The following MRPL3 variants were observed in gnomAD, a reference collection of about 807,000 sequenced individuals.
The protein encoded by MRPL3 is large ribosomal subunit protein uL3m.
In MRPL3, 43 loss-of-function variants were observed where a neutral mutation model predicts 44.3. The observed-to-expected ratio is 0.97, with a 90% CI of 0.76 to 1.25. The LOEUF (loss-of-function observed/expected upper bound fraction) is 1.25. Ranked by LOEUF, MRPL3 falls within the 50% of genes most tolerant of loss-of-function variation. The pLI is 0.00. For missense variants in MRPL3, 406 were observed against 427.6 expected, an observed-to-expected ratio of 0.95 and a Z score of 0.45; for synonymous variants, 171 against 152.3, an observed-to-expected ratio of 1.12 and a Z score of -0.91.
rs9289390 is a variant in MRPL3 at position 131,500,226 on chromosome 3, C to T, written c.369+204G>A. 0.55 allele frequency among the ~76,000 whole-genome samples: 84,171 copies of T among 152,038 alleles called. 24,754 individuals carry two copies. Among genetic ancestry groups the T allele is most frequent in the Middle Eastern group, 0.72 (213 of 294 alleles). Reference sequence around the variant, plus strand: ...ATTCATTGCTCCAGTTATCCCAATACCAGTATCAGAAGGCCACTGCTCAGG... The same window carrying T: ...ATTCATTGCTCCAGTTATCCCAATATCAGTATCAGAAGGCCACTGCTCAGG... On this transcript the variant is annotated intron_variant, in intron 3 of 9. Coordinates refer to ENST00000264995, the MANE Select transcript of MRPL3 (RefSeq NM_007208.4).
rs756461073 is a variant in MRPL3 at position 131,501,713 on chromosome 3, G to A, written c.95C>T (p.Thr32Ile). 4 of 1,601,546 alleles carry A rather than the reference G, an allele frequency of 2.5e-6. No homozygotes were observed. The East Asian group carries it at 6.7e-5, about 27-fold the overall frequency. The change falls in exon 2 of 10, where the codon ACA (threonine) becomes ATA (isoleucine). Residue 32 changes from threonine to isoleucine, a missense_variant and splice_region_variant. Thr to Ile is a moderately conservative substitution (Grantham distance 89). Transcript: ENST00000264995. The part of the protein sequence containing the change: ...LGAALGPGNR[T>I]HIWLFVRGLH... ...ACCTCTAACAAAAAGCCAGATGTGTGTTCTATAAAAAGAAAAAATAAATAA... is the reference window on the plus strand; with the variant it reads ...ACCTCTAACAAAAAGCCAGATGTGTATTCTATAAAAAGAAAAAATAAATAA...
At chr3:131,476,719 A>G (rs543718555) in intron 6 of MRPL3, among the ~76,000 whole-genome samples, 1 of 152,338 alleles carries the variant, frequency 6.6e-6, no homozygotes, top group Non-Finnish European at 1.5e-5. Flanking sequence ...TTAATCTAGG[A>G]AACATTATTG....
chr3:131,500,347 G>A (rs1351985656), intron 3 of MRPL3, 83 bp downstream of exon 3: 2 of 1,083,562 alleles, frequency 1.8e-6, no homozygotes, highest in Admixed American at 1.7e-5. Flanking sequence ...CATGTTTCAG[G>A]ACACAAATAG....
At chr3:131,484,734 A>G (rs1177621251) in intron 6 of MRPL3, among the ~76,000 whole-genome samples, 1 of 152,204 alleles carries the variant, frequency 6.6e-6, no homozygotes, top group Admixed American at 6.5e-5. Context: ...TCCAGATGAG[A>G]AGGACAACGA....
chr3:131,486,712 C>G (rs1272115501), intron 6 of MRPL3, among the ~76,000 whole-genome samples: 1 of 152,062 alleles, frequency 6.6e-6, no homozygotes. Flanking sequence ...TGAAAAAATG[C>G]TCATCACCGG....
intron 6 of MRPL3, among the ~76,000 whole-genome samples, chr3:131,475,604 A>G (rs1202299969): frequency 2.6e-5 from 4 of 152,244 alleles, no homozygotes; most frequent in African/African-American, 9.6e-5. Context: ...CACATTCTTC[A>G]CATTAAGCCT....
At chr3:131,466,462 T>TA (rs1333866972) in intron 9 of MRPL3, among the ~76,000 whole-genome samples, 1 of 152,242 alleles carries the variant, frequency 6.6e-6, no homozygotes, top group East Asian at 1.9e-4. Flanking sequence ...TCTGAGAACT[T>TA]AAAGAGTTTT....
chr3:131,482,930 A>G (rs1464814084), intron 6 of MRPL3, among the ~76,000 whole-genome samples: 1 of 151,856 alleles, frequency 6.6e-6, no homozygotes, highest in Non-Finnish European at 1.5e-5. Flanking sequence ...ACTGCTCCCT[A>G]ACCACAGCAG....
At chr3:131,500,399 A>T (rs150199118) in intron 3 of MRPL3, 31 bp downstream of exon 3, 1 of 1,533,914 alleles carries the variant, frequency 6.5e-7, no homozygotes, top group African/African-American at 1.4e-5. Context: ...AAACACATAG[A>T]TATCTCTTAC....
In MRPL3 at chr3:131,502,946, A is replaced by G. The variant is rs772560659; in HGVS notation, c.-125T>C. 4.5e-6 allele frequency: 4 copies of G among 888,660 alleles called. No individual in the cohort carries two copies. 55.0% of individuals were successfully genotyped at this position (888,660 alleles called of 1,614,324 possible). A position where few individuals can be genotyped will look rare whatever the true frequency, so the allele number is the denominator to read the frequency against. On this transcript the variant is annotated 5_prime_UTR_variant, in exon 1 of 10. Transcript: ENST00000264995. ...GGGAAGTTTTCGCAATGGCCGCCGGAACGGTCGCCGGCCGATGCTCTCTGC... is the reference window on the plus strand; with the variant it reads ...GGGAAGTTTTCGCAATGGCCGCCGGGACGGTCGCCGGCCGATGCTCTCTGC...
At chr3:131,465,546 A>G (rs2110693294) in intron 9 of MRPL3, among the ~76,000 whole-genome samples, 1 of 152,314 alleles carries the variant, frequency 6.6e-6, no homozygotes, top group South Asian at 2.1e-4. Context: ...AGAATCATGT[A>G]TGTAGAAAAA....
In MRPL3 at chr3:131,490,037, G is replaced by A. The variant is rs143317681; in HGVS notation, c.512C>T (p.Pro171Leu). Residue 171 changes from proline to leucine, a missense_variant, in exon 5 of 10, where the codon CCG becomes CTG. Coordinates refer to ENST00000264995, the MANE Select transcript of MRPL3 (RefSeq NM_007208.4). The part of the protein sequence containing the change: ...ILEFYRELGL[P>L]PKQTVKIFNI... ...AAAGATTTTAACTGTCTGTTTCGGC[G>A]GCAATCCAAGTTCCCGGTAAAATTC... 74 of 1,611,592 alleles carry A rather than the reference G, an allele frequency of 4.6e-5. No individual in the cohort carries two copies. The highest frequency in any genetic ancestry group is 2.1e-4 in the African/African-American group (16 of 74,786).
chr3:131,466,368 C>T (rs1018377862), intron 9 of MRPL3, among the ~76,000 whole-genome samples: 2 of 151,996 alleles, frequency 1.3e-5, no homozygotes, highest in Non-Finnish European at 2.9e-5. Flanking sequence ...ATGGAAGATT[C>T]AAAACTCAGA....
At position 131,462,400 on chromosome 3, in the gene MRPL3, T is replaced by G; in HGVS notation, c.*323A>C. 1 of 189,364 alleles carries G rather than the reference T, an allele frequency of 5.3e-6. No individual in the cohort carries two copies. The highest frequency in any genetic ancestry group is 2.3e-5 in the African/African-American group (1 of 43,074). The allele number at this position is 189,364 out of a possible 1,614,324, so 11.7% of individuals were successfully genotyped here. A position where few individuals can be genotyped will look rare whatever the true frequency, so the allele number is the denominator to read the frequency against. On this transcript the variant is annotated 3_prime_UTR_variant, in exon 10 of 10. Transcript: ENST00000264995. ...TTCACAAAGATTGACAAAACTTTAA[T>G]AAAAGTTAAATTTACAGACATCTTA...
intron 9 of MRPL3, among the ~76,000 whole-genome samples, chr3:131,465,891 C>CT (rs55635822): frequency 0.32 from 43,175 of 133,218 alleles, 8,172 homozygotes; most frequent in Middle Eastern, 0.44. Flanking sequence ...CTTTTTCTCT[C>CT]TTTTTTTTTT....
chr3:131,471,715 T>C (rs1933747959), intron 6 of MRPL3, among the ~76,000 whole-genome samples: 1 of 152,164 alleles, frequency 6.6e-6, no homozygotes, highest in South Asian at 2.1e-4. Flanking sequence ...TTCCCTCCCC[T>C]TGAGTCTGGG....
chr3:131,497,481 A>G (rs1934396954), intron 4 of MRPL3, among the ~76,000 whole-genome samples: 1 of 152,210 alleles, frequency 6.6e-6, no homozygotes, highest in Non-Finnish European at 1.5e-5. Flanking sequence ...TTACAATGAA[A>G]AAAAAGTTTG....
intron 7 of MRPL3, among the ~76,000 whole-genome samples, chr3:131,470,689 T>C (rs1199955924): frequency 1.3e-5 from 2 of 151,894 alleles, no homozygotes; most frequent in Non-Finnish European, 2.9e-5. Flanking sequence ...TGCATTCCCC[T>C]CCCCCACCAA....
intron 6 of MRPL3, among the ~76,000 whole-genome samples, chr3:131,483,840 TA>T (rs1453843466): frequency 1.2e-4 from 19 of 152,186 alleles, no homozygotes; most frequent in African/African-American, 4.6e-4. Context: ...ATTTCTAAAG[TA>T]CATTTAACTC....
Sources: allele counts gnomAD v4.1 joint callset (sites outside exome capture counted in the v4.1 genomes callset), GRCh38; gene constraint gnomAD v4.1.1; transcripts MANE v1.5; gene names NCBI Gene and HGNC (gene_info 2026-07-23, HGNC 2026-07-21).